DPF3: variants seen among roughly 807,000 people sequenced by gnomAD.
DPF3 encodes the protein zinc finger protein DPF3.
A neutral mutation model predicts 56.8 loss-of-function variants in DPF3; 18 were observed. The ratio of observed to expected loss-of-function variants is 0.32; its 90% CI spans 0.22 to 0.47. The LOEUF is 0.47. Among genes scored for constraint, DPF3 ranks in the 20% least tolerant of loss-of-function variants. The probability of loss-of-function intolerance (pLI) is 1.00; values close to 1 mark genes in which losing one functional copy is unlikely to be tolerated. For missense variants in DPF3, 403 were observed against 488.8 expected (o/e 0.82, Z 1.65); for synonymous variants, 188 against 180.2 (o/e 1.04, Z -0.35).
At chr14:72,835,631 C>T (rs1284509962) in intron 1 of DPF3, among the ~76,000 whole-genome samples, 1 of 152,072 alleles carries the variant, frequency 6.6e-6, no homozygotes, top group Non-Finnish European at 1.5e-5. Flanking sequence ...TCCCGGGAGA[C>T]CCTTAAATGT....
chr14:72,870,342 C>T (rs796409949), intron 1 of DPF3, among the ~76,000 whole-genome samples: 2 of 152,180 alleles, frequency 1.3e-5, no homozygotes, highest in South Asian at 2.1e-4. Context: ...AAGGGCAGAG[C>T]TCATCCAGGA....
chr14:72,681,297 A>G (rs1378700789), intron 7 of DPF3, among the ~76,000 whole-genome samples: 1 of 152,182 alleles, frequency 6.6e-6, no homozygotes, highest in Non-Finnish European at 1.5e-5. Flanking sequence ...AAGAAGTGGG[A>G]AGGAGAAATA....
intron 1 of DPF3, among the ~76,000 whole-genome samples, chr14:72,782,836 G>GAAA (rs34410570): frequency 6.8e-6 from 1 of 146,124 alleles, no homozygotes; most frequent in African/African-American, 2.5e-5. Context: ...CCATCTCAAA[G>GAAA]AAAAAAAAAA....
At chr14:72,863,091 T>C (rs1277119482) in intron 1 of DPF3, among the ~76,000 whole-genome samples, 1 of 139,566 alleles carries the variant, frequency 7.2e-6, no homozygotes, top group Non-Finnish European at 1.5e-5. Context: ...TATATATATA[T>C]ATATATATAT....
At chr14:72,768,541 G>A (rs1365426770) in intron 2 of DPF3, among the ~76,000 whole-genome samples, 1 of 152,156 alleles carries the variant, frequency 6.6e-6, no homozygotes, top group Non-Finnish European at 1.5e-5. Context: ...ATTAATCTTG[G>A]AGGAAATTGG....
chr14:72,665,684 T>C (rs900706581), intron 8 of DPF3, among the ~76,000 whole-genome samples: 1 of 152,226 alleles, frequency 6.6e-6, no homozygotes, highest in Non-Finnish European at 1.5e-5. Context: ...TAAGAGGACA[T>C]GGCAACCTGT....
chr14:72,736,011 T>C (rs1367665100), intron 3 of DPF3, among the ~76,000 whole-genome samples: 2 of 152,218 alleles, frequency 1.3e-5, no homozygotes, highest in Non-Finnish European at 2.9e-5. Flanking sequence ...CTAAAAATGC[T>C]AGATGTTATT....
At chr14:72,783,762 C>G (rs371363305) in intron 1 of DPF3, among the ~76,000 whole-genome samples, 6 of 152,322 alleles carry the variant, frequency 3.9e-5, no homozygotes, top group East Asian at 1.9e-4. Flanking sequence ...AGAAGATGGT[C>G]TCCAACATAC....
chr14:72,883,418 C>T (rs1193580080), intron 1 of DPF3, among the ~76,000 whole-genome samples: 1 of 152,186 alleles, frequency 6.6e-6, no homozygotes, highest in African/African-American at 2.4e-5. Context: ...GATGGCACCA[C>T]TGCACTCCAG....
At chr14:72,782,785 A>G (rs1241508738) in intron 1 of DPF3, among the ~76,000 whole-genome samples, 1 of 152,048 alleles carries the variant, frequency 6.6e-6, no homozygotes, top group Non-Finnish European at 1.5e-5. Flanking sequence ...GTGAGCCGAG[A>G]TTGCACCACT....
chr14:72,636,738 A>G (rs545149534), intron 8 of DPF3, among the ~76,000 whole-genome samples: 2 of 152,228 alleles, frequency 1.3e-5, no homozygotes, highest in Non-Finnish European at 2.9e-5. Context: ...ATCTGCCCCC[A>G]GATGTTACTT....
intron 1 of DPF3, 72 bp downstream of exon 1, chr14:72,893,985 C>G: frequency 6.3e-7 from 1 of 1,585,270 alleles, no homozygotes; most frequent in South Asian, 1.1e-5. Context: ...TGGCAGCGCT[C>G]GCCACGCAGA....
chr14:72,867,136 A>T (rs1343028191), intron 1 of DPF3, among the ~76,000 whole-genome samples: 1 of 152,122 alleles, frequency 6.6e-6, no homozygotes, highest in Non-Finnish European at 1.5e-5. Flanking sequence ...GGCTCCAACA[A>T]TCCTCCCACC....
In DPF3 at chr14:72,796,804, C is replaced by T. The variant is rs1892665760; in HGVS notation, c.33-24911G>A. Among the ~76,000 whole-genome samples, 3 of 152,226 alleles carry T rather than the reference C, an allele frequency of 2.0e-5. No homozygotes were observed. In the South Asian group the frequency reaches 6.2e-4, roughly 32 times the overall value. ...AGTGGTAAATGCAAGCTACAACTAT[C>T]ATTGTCGATAGTTGAGTCTGGAATC... On this transcript the variant is annotated intron_variant, in intron 1 of 10. Transcript: ENST00000556509.
chr14:72,650,290 G>A (rs2526914), intron 8 of DPF3, among the ~76,000 whole-genome samples: 6,081 of 152,224 alleles, frequency 0.04, 210 homozygotes, highest in South Asian at 0.1. Context: ...TCCAAACCCC[G>A]CCCCGACAGA....
intron 6 of DPF3, among the ~76,000 whole-genome samples, chr14:72,696,698 C>T (rs896991422): frequency 6.6e-6 from 1 of 152,228 alleles, no homozygotes; most frequent in African/African-American, 2.4e-5. Flanking sequence ...CCTCTATCTC[C>T]TTCCCCAACA....
intron 1 of DPF3, among the ~76,000 whole-genome samples, chr14:72,783,873 C>T (rs943210364): frequency 6.6e-6 from 1 of 152,112 alleles, no homozygotes; most frequent in Non-Finnish European, 1.5e-5. Context: ...CCTGGGCCCA[C>T]GGGTGGTGCC....
intron 2 of DPF3, among the ~76,000 whole-genome samples, chr14:72,759,602 A>AAGG (rs1567224049): frequency 7.7e-5 from 9 of 117,028 alleles, no homozygotes; most frequent in East Asian, 2.5e-4. Flanking sequence ...AGGAAGGAAG[A>AAGG]AAGAAAGAAT....
chr14:72,670,201 C>T (rs1360665106), intron 8 of DPF3: 11 of 985,892 alleles, frequency 1.1e-5, no homozygotes, highest in Non-Finnish European at 1.3e-5. Context: ...ACGATGATGT[C>T]TCCTTCTATC....
Sources: gnomAD v4.1 joint callset for allele counts (sites outside exome capture counted in the v4.1 genomes callset) on GRCh38, gnomAD v4.1.1 for gene constraint, MANE v1.5 for transcripts, NCBI Gene and HGNC (gene_info 2026-07-23, HGNC 2026-07-21) for gene names.